The following RBMS3 variants were observed in gnomAD, a reference collection of about 807,000 sequenced individuals.
The protein encoded by RBMS3 is RNA binding motif single stranded interacting protein 3, also known as RNA-binding motif, single-stranded-interacting protein 3.
A neutral mutation model predicts 66.8 loss-of-function variants in RBMS3; 27 were observed. The ratio of observed to expected loss-of-function variants is 0.40; its 90% CI spans 0.30 to 0.56. The LOEUF (loss-of-function observed/expected upper bound fraction) is 0.56. RBMS3 is among the 20% of genes least tolerant of loss of function. The pLI is 0.40. For missense variants in RBMS3, 513 were observed against 549.5 expected, an observed-to-expected ratio of 0.93 and a Z score of 0.66; for synonymous variants, 188 against 183.0, an observed-to-expected ratio of 1.03 and a Z score of -0.22.
At chr3:29,721,344 A>T (rs1005596467) in intron 4 of RBMS3, among the ~76,000 whole-genome samples, 1 of 152,154 alleles carries the variant, frequency 6.6e-6, no homozygotes, top group Non-Finnish European at 1.5e-5. Flanking sequence ...ATATATGGTG[A>T]TGTAATAACT....
At chr3:29,570,249 A>C (rs1261781545) in intron 3 of RBMS3, among the ~76,000 whole-genome samples, 1 of 152,174 alleles carries the variant, frequency 6.6e-6, no homozygotes, top group African/African-American at 2.4e-5. Context: ...ATTTTGTTAC[A>C]GGCATGTAAT....
chr3:29,918,127 A>G (rs955385990), intron 10 of RBMS3, among the ~76,000 whole-genome samples: 3 of 148,914 alleles, frequency 2.0e-5, no homozygotes, highest in African/African-American at 7.4e-5. Context: ...GTTAACACCA[A>G]CTCTATTTCA....
At chr3:29,316,314 T>G (rs966036112) in intron 1 of RBMS3, among the ~76,000 whole-genome samples, 1 of 151,766 alleles carries the variant, frequency 6.6e-6, no homozygotes, top group African/African-American at 2.4e-5. Context: ...TTTGTTTTGT[T>G]TCTTCTGGGA....
chr3:29,587,220 T>A lies in RBMS3; in HGVS notation c.399+15T>A. The A allele has an allele frequency of 9.6e-7, 1 of 1,045,198 alleles. No individual in the cohort carries two copies. The highest frequency in any genetic ancestry group is 1.3e-6 in the Non-Finnish European group (1 of 742,608). The allele number at this position is 1,045,198 out of a possible 1,614,324, so 64.7% of individuals were successfully genotyped here. A position where few individuals can be genotyped will look rare whatever the true frequency, so the allele number is the denominator to read the frequency against. On this transcript the variant is annotated intron_variant, in intron 4 of 14. Coordinates refer to ENST00000383767, the MANE Select transcript of RBMS3 (RefSeq NM_001003793.3). Reference sequence around the variant, plus strand: ...AGATGGCTAAGGTAAGATTGATGTTTAGGGGTGTTTTTTTTTTTTTTTTTT... The same window carrying A: ...AGATGGCTAAGGTAAGATTGATGTTAAGGGGTGTTTTTTTTTTTTTTTTTT...
At chr3:29,848,591 G>T (rs980027617) in intron 6 of RBMS3, among the ~76,000 whole-genome samples, 2 of 152,178 alleles carry the variant, frequency 1.3e-5, no homozygotes, top group African/African-American at 4.8e-5. Context: ...GCCAAAAAGG[G>T]CAGGGATGCT....
intron 1 of RBMS3, among the ~76,000 whole-genome samples, chr3:29,403,207 A>G (rs913692223): frequency 2.0e-5 from 3 of 152,100 alleles, no homozygotes; most frequent in Non-Finnish European, 2.9e-5. Flanking sequence ...ATATATATTG[A>G]ATATATTTTC....
intron 2 of RBMS3, among the ~76,000 whole-genome samples, chr3:29,486,088 C>T (rs73828673): frequency 0.021 from 3,138 of 151,994 alleles, 108 homozygotes; most frequent in African/African-American, 0.072. Flanking sequence ...AGGTATATTA[C>T]ATTCGTGGGT....
At chr3:29,308,796 T>G (rs1454992509) in intron 1 of RBMS3, among the ~76,000 whole-genome samples, 1 of 106,878 alleles carries the variant, frequency 9.4e-6, no homozygotes, top group Non-Finnish European at 2.2e-5. Flanking sequence ...AAAGAAAATT[T>G]TGTCAAAAAA....
intron 5 of RBMS3, among the ~76,000 whole-genome samples, chr3:29,761,687 C>A (rs2055695478): frequency 6.6e-6 from 1 of 152,030 alleles, no homozygotes; most frequent in South Asian, 2.1e-4. Flanking sequence ...GTAATATGGT[C>A]CTATAATATG....
chr3:29,444,797 T>TTTTTTTTTTTTTTTTG (rs2041763231), intron 2 of RBMS3, among the ~76,000 whole-genome samples: 1 of 131,520 alleles, frequency 7.6e-6, no homozygotes, highest in Admixed American at 7.6e-5. Flanking sequence ...CCTTTTTTTT[T>TTTTTTTTTTTTTTTTG]TTTTTTTTTT....
At chr3:29,365,881 A>T (rs2037872883) in intron 1 of RBMS3, among the ~76,000 whole-genome samples, 1 of 152,144 alleles carries the variant, frequency 6.6e-6, no homozygotes, top group Non-Finnish European at 1.5e-5. Context: ...CAGTTTTTGA[A>T]CACTGCCTCC....
intron 4 of RBMS3, chr3:29,730,788 C>A: frequency 1.2e-6 from 1 of 844,608 alleles, no homozygotes; most frequent in South Asian, 5.4e-5. Flanking sequence ...ATCAGGACCA[C>A]GAGTACAAAA....
At chr3:29,370,945 T>A (rs1046245971) in intron 1 of RBMS3, among the ~76,000 whole-genome samples, 2 of 152,184 alleles carry the variant, frequency 1.3e-5, no homozygotes, top group African/African-American at 4.8e-5. Flanking sequence ...AATGGCTGGA[T>A]CCAGCTGTCT....
chr3:29,424,555 G>A (rs1005215931), intron 1 of RBMS3, among the ~76,000 whole-genome samples: 7 of 152,160 alleles, frequency 4.6e-5, no homozygotes, highest in African/African-American at 7.2e-5. Flanking sequence ...CTGGTATAAG[G>A]AAATTAGATT....
At chr3:29,677,346 A>G (rs754698427) in intron 4 of RBMS3, among the ~76,000 whole-genome samples, 1 of 152,342 alleles carries the variant, frequency 6.6e-6, no homozygotes, top group Middle Eastern at 3.4e-3. Context: ...CTGATCGCTA[A>G]CAAGCTAGAT....
chr3:29,480,189 A>C (rs1053171612), intron 2 of RBMS3, among the ~76,000 whole-genome samples: 1 of 152,212 alleles, frequency 6.6e-6, no homozygotes, highest in African/African-American at 2.4e-5. Flanking sequence ...CATGATAATA[A>C]AGAAGATTTG....
chr3:29,444,925 G>T (rs2041768965), intron 2 of RBMS3, among the ~76,000 whole-genome samples: 1 of 144,040 alleles, frequency 6.9e-6, no homozygotes, highest in African/African-American at 2.6e-5. Context: ...TTTCTATCTT[G>T]TTCCATTTCA....
At chr3:29,437,454 A>C (rs968167706) in intron 2 of RBMS3, among the ~76,000 whole-genome samples, 1 of 152,248 alleles carries the variant, frequency 6.6e-6, no homozygotes, top group Non-Finnish European at 1.5e-5. Context: ...TTTTATGTGC[A>C]TTTGATAAAG....
At position 29,981,977 on chromosome 3, in the gene RBMS3, T is replaced by G. The variant is rs578111435; in HGVS notation, c.1099-6166T>G. ...GAGGATTCCCTCTTTTTCTATTGTT[T>G]GGAATAGTTTCAGAAGGAATGGTAC... On this transcript the variant is annotated intron_variant, in intron 12 of 14. Transcript: ENST00000383767. Among the ~76,000 whole-genome samples the G allele has an allele frequency of 1.4e-3, 220 of 152,324 alleles. 3 individuals are homozygous for G. Among genetic ancestry groups the G allele is most frequent in the Admixed American group, 0.011 (175 of 15,296 alleles).
Sources: gnomAD v4.1 joint callset for allele counts (sites outside exome capture counted in the v4.1 genomes callset) on GRCh38, gnomAD v4.1.1 for gene constraint, MANE v1.5 for transcripts, NCBI Gene and HGNC (gene_info 2026-07-23, HGNC 2026-07-21) for gene names.